The following HS3ST5 variants were observed in gnomAD, a reference collection of about 807,000 sequenced individuals.
HS3ST5 encodes the protein heparan sulfate glucosamine 3-O-sulfotransferase 5.
Under a neutral mutation model 25.4 loss-of-function variants are expected in HS3ST5, and 10 were observed. The ratio of observed to expected loss-of-function variants is 0.39; its 90% CI spans 0.24 to 0.67. The LOEUF (loss-of-function observed/expected upper bound fraction) is 0.67, where lower values mean the gene tolerates loss of function less well. HS3ST5 is among the 30% of genes least tolerant of loss of function. The pLI, the probability that HS3ST5 is intolerant of heterozygous loss-of-function variation, is 0.44. For synonymous variants in HS3ST5, 170 were observed against 162.4 expected (o/e 1.05, Z -0.36); for missense variants, 324 against 420.7 (o/e 0.77, Z 2.01).
intron 2 of HS3ST5, among the ~76,000 whole-genome samples, chr6:114,210,734 G>T (rs1781480798): frequency 6.6e-6 from 1 of 152,158 alleles, no homozygotes; most frequent in African/African-American, 2.4e-5. Flanking sequence ...GCAGTGATTG[G>T]CCTTTGCCCA....
chr6:114,236,351 T>C (rs943111860), intron 1 of HS3ST5, among the ~76,000 whole-genome samples: 1 of 152,226 alleles, frequency 6.6e-6, no homozygotes, highest in Non-Finnish European at 1.5e-5. Flanking sequence ...TATATCGTTA[T>C]TGAATAATTG....
chr6:114,267,690 G>A (rs893655582), intron 1 of HS3ST5, among the ~76,000 whole-genome samples: 33 of 152,296 alleles, frequency 2.2e-4, no homozygotes, highest in African/African-American at 7.7e-4. Context: ...CAGCCAATTT[G>A]GCCAAGTTGC....
chr6:114,291,286 C>T (rs1774566804), intron 1 of HS3ST5, among the ~76,000 whole-genome samples: 1 of 152,108 alleles, frequency 6.6e-6, no homozygotes, highest in Non-Finnish European at 1.5e-5. Context: ...AGGAAGCCAT[C>T]CAATCTCTGA....
At chr6:114,265,895 C>T (rs1773384716) in intron 1 of HS3ST5, among the ~76,000 whole-genome samples, 1 of 152,090 alleles carries the variant, frequency 6.6e-6, no homozygotes, top group Non-Finnish European at 1.5e-5. Flanking sequence ...CATTTTTCTT[C>T]TCTTGCTGCA....
intron 1 of HS3ST5, chr6:114,340,525 A>C (rs1010106950): frequency 1.3e-5 from 2 of 152,156 alleles, no homozygotes; most frequent in South Asian, 2.1e-4. Flanking sequence ...CCATCAGTTC[A>C]CTGGTGAATA....
chr6:114,175,496 C>T (rs370663617), intron 2 of HS3ST5, among the ~76,000 whole-genome samples: 102 of 152,270 alleles, frequency 6.7e-4, no homozygotes, highest in African/African-American at 2.3e-3. Context: ...CCTCAGACCA[C>T]CTCTGAAATA....
At chr6:114,110,650 T>C (rs1776223213) in intron 3 of HS3ST5, among the ~76,000 whole-genome samples, 1 of 152,158 alleles carries the variant, frequency 6.6e-6, no homozygotes, top group African/African-American at 2.4e-5. Flanking sequence ...CTTTATAGGA[T>C]ATTTAGAAAA....
chr6:114,072,189 T>G (rs1364507804), intron 3 of HS3ST5, among the ~76,000 whole-genome samples: 3 of 152,198 alleles, frequency 2.0e-5, no homozygotes, highest in Admixed American at 1.3e-4. Context: ...CTGCAAATTC[T>G]GAGTTGAGTG....
At chr6:114,099,229 C>T (rs1218335180) in intron 3 of HS3ST5, among the ~76,000 whole-genome samples, 1 of 152,098 alleles carries the variant, frequency 6.6e-6, no homozygotes, top group East Asian at 1.9e-4. Flanking sequence ...CAAGCTACAC[C>T]TGTTTTAAGA....
chr6:114,153,323 TC>T (rs1778547030), intron 3 of HS3ST5, among the ~76,000 whole-genome samples: 1 of 152,132 alleles, frequency 6.6e-6, no homozygotes, highest in Non-Finnish European at 1.5e-5. Flanking sequence ...TGTCCAGTAA[TC>T]CCCATTAAAT....
intron 1 of HS3ST5, among the ~76,000 whole-genome samples, chr6:114,246,297 C>T (rs1302218002): frequency 1.3e-5 from 2 of 152,206 alleles, no homozygotes; most frequent in Non-Finnish European, 2.9e-5. Flanking sequence ...TTACTGGAAA[C>T]TTGCAGGCAT....
chr6:114,139,263 C>A (rs1777784490), intron 3 of HS3ST5, among the ~76,000 whole-genome samples: 1 of 152,092 alleles, frequency 6.6e-6, no homozygotes, highest in Non-Finnish European at 1.5e-5. Context: ...GGATGATTAA[C>A]ATCATAGCCT....
At chr6:114,201,252 ACCTTG>A (rs537868499) in intron 2 of HS3ST5, among the ~76,000 whole-genome samples, 1 of 152,300 alleles carries the variant, frequency 6.6e-6, no homozygotes, top group African/African-American at 2.4e-5. Context: ...AGGTACAAAA[ACCTTG>A]GAGTCATCCT....
intron 3 of HS3ST5, among the ~76,000 whole-genome samples, chr6:114,145,312 G>A (rs1778104361): frequency 6.6e-6 from 1 of 152,134 alleles, no homozygotes; most frequent in South Asian, 2.1e-4. Context: ...ATCTCTCCAG[G>A]AATAGAGTTT....
In HS3ST5 at chr6:114,057,309, G is replaced by A; in HGVS notation, c.989C>T (p.Pro330Leu). The change falls in exon 5 of 5, where the codon CCT (proline) becomes CTT (leucine). Residue 330 changes from proline to leucine, a missense_variant. Pro to Leu is a moderately conservative substitution (Grantham distance 98). Coordinates refer to ENST00000312719, the MANE Select transcript of HS3ST5 (RefSeq NM_153612.4). The stretch of plus-strand genomic sequence containing the variant: ...GATCTGGTAAAATTTTTGATTAAAA[G>A]GATGAAAGAATTTGCGCAATTTAGT... ...VITKLRKFFH[P>L]FNQKFYQITG... 6.2e-7 allele frequency: 1 copy of A among 1,613,976 alleles called. No individual in the cohort carries two copies. The highest frequency in any genetic ancestry group is 8.5e-7 in the Non-Finnish European group (1 of 1,179,946).
chr6:114,300,013 G>C (rs1775004309), intron 1 of HS3ST5, among the ~76,000 whole-genome samples: 1 of 151,970 alleles, frequency 6.6e-6, no homozygotes, highest in Admixed American at 6.5e-5. Context: ...AAGACAGCCT[G>C]ATAATACAGC....
intron 3 of HS3ST5, among the ~76,000 whole-genome samples, chr6:114,069,168 G>A (rs117766104): frequency 2.6e-5 from 4 of 152,226 alleles, no homozygotes; most frequent in African/African-American, 4.8e-5. Context: ...CATTAAAAAC[G>A]ACTGAACTTA....
intron 3 of HS3ST5, among the ~76,000 whole-genome samples, chr6:114,121,508 A>G (rs1776783781): frequency 6.6e-6 from 1 of 152,190 alleles, no homozygotes; most frequent in Non-Finnish European, 1.5e-5. Context: ...CTAATTACCT[A>G]ACAAAAAAAT....
At chr6:114,078,330 A>G (rs1275557805) in intron 3 of HS3ST5, among the ~76,000 whole-genome samples, 1 of 151,722 alleles carries the variant, frequency 6.6e-6, no homozygotes, top group African/African-American at 2.4e-5. Flanking sequence ...CCTCAGCCTC[A>G]TGAGTAGCTG....
Sources: allele counts gnomAD v4.1 joint callset (sites outside exome capture counted in the v4.1 genomes callset), GRCh38; gene constraint gnomAD v4.1.1; transcripts MANE v1.5; gene names NCBI Gene and HGNC (gene_info 2026-07-23, HGNC 2026-07-21).